The following STAG1 variants were observed in gnomAD, a reference collection of about 807,000 sequenced individuals.
STAG1 encodes the protein STAG1 cohesin complex component.
In STAG1, 26 loss-of-function variants were observed where a neutral mutation model predicts 170.9. That is an observed-to-expected ratio of 0.15 (90% CI 0.11 to 0.21). STAG1 has a LOEUF of 0.21. Among genes scored for constraint, STAG1 ranks in the 10% least tolerant of loss-of-function variants. The pLI is 1.00. For synonymous variants in STAG1, 514 were observed against 497.7 expected, an observed-to-expected ratio of 1.03 and a Z score of -0.44; for missense variants, 964 against 1,509.5, an observed-to-expected ratio of 0.64 and a Z score of 5.99.
chr3:136,414,410 G>A lies in STAG1; in HGVS notation c.2196+3475C>T, dbSNP rs140966200. Among the ~76,000 whole-genome samples, 151 of 152,230 alleles carry A rather than the reference G, an allele frequency of 9.9e-4. 1 individual carries two copies. The highest frequency in any genetic ancestry group is 3.5e-3 in the African/African-American group (146 of 41,530). ...ATACCATCTCTTTCATTGCTCATCC[G>A]TAAGAATTAACTCCTCATCTCTTCA... is the stretch of plus-strand genomic sequence containing the variant. On this transcript the variant is annotated intron_variant, in intron 21 of 33. Transcript: ENST00000383202.
At chr3:136,548,261 C>G (rs1936243843) in intron 5 of STAG1, among the ~76,000 whole-genome samples, 1 of 151,952 alleles carries the variant, frequency 6.6e-6, no homozygotes, top group Non-Finnish European at 1.5e-5. Flanking sequence ...TACAAGCAAG[C>G]ACCACCATGC....
At chr3:136,423,434 G>A (rs114213538) in intron 16 of STAG1, among the ~76,000 whole-genome samples, 106 of 152,166 alleles carry the variant, frequency 7.0e-4, no homozygotes, top group Admixed American at 3.1e-3. Flanking sequence ...ACCAACAGAA[G>A]CTAACACATT....
chr3:136,616,888 T>C (rs1046874155), intron 3 of STAG1, among the ~76,000 whole-genome samples: 2 of 152,192 alleles, frequency 1.3e-5, no homozygotes, highest in African/African-American at 4.8e-5. Context: ...ATATAGAAAG[T>C]ACTGATTTAA....
At chr3:136,633,200 T>C (rs944429431) in intron 1 of STAG1, among the ~76,000 whole-genome samples, 19 of 151,960 alleles carry the variant, frequency 1.3e-4, no homozygotes, top group African/African-American at 4.6e-4. Context: ...GGCCAGAAAG[T>C]ACCCCCACCC....
intron 6 of STAG1, 81 bp from the exon 7 acceptor site, chr3:136,521,498 A>G (rs916750769): frequency 1.6e-6 from 2 of 1,237,150 alleles, no homozygotes; most frequent in African/African-American, 3.0e-5. Context: ...CTACCTACAT[A>G]GGAACCCTTT....
chr3:136,691,641 T>C (rs1041565668), intron 1 of STAG1, among the ~76,000 whole-genome samples: 2 of 152,224 alleles, frequency 1.3e-5, no homozygotes, highest in Non-Finnish European at 2.9e-5. Flanking sequence ...CAGGATGTCC[T>C]GAATCCATTC....
At chr3:136,365,893 G>T (rs941659717) in intron 25 of STAG1, among the ~76,000 whole-genome samples, 5 of 151,364 alleles carry the variant, frequency 3.3e-5, no homozygotes, top group African/African-American at 7.3e-5. Context: ...GCTGAAACAG[G>T]TAGGCATATT....
Position 136,540,822 on chromosome 3 carries a change from C to CAAAAAAAAAAAAAAAAAAAA in STAG1, c.471+1277_471+1296dup. Among the ~76,000 whole-genome samples, 48 of 46,306 alleles carry CAAAAAAAAAAAAAAAAAAAA rather than the reference C, an allele frequency of 1.0e-3. 6 individuals are homozygous for CAAAAAAAAAAAAAAAAAAAA. Among genetic ancestry groups the CAAAAAAAAAAAAAAAAAAAA allele is most frequent in the South Asian group, 5.4e-3 (3 of 560 alleles). 30.4% of individuals were successfully genotyped at this position (46,306 alleles called of 152,430 possible). A position where few individuals can be genotyped will look rare whatever the true frequency, so the allele number is the denominator to read the frequency against. Reference sequence around the variant, plus strand: ...GGGCGACAGAGTGAAACTGTGTCTCCAAAAAAAAAAAAAAAAAAAAAAAAA... The same window carrying CAAAAAAAAAAAAAAAAAAAA: ...GGGCGACAGAGTGAAACTGTGTCTCCAAAAAAAAAAAAAAAAAAAAAAAAAAAAAAAAAAAAAAAAAAAAA... On this transcript the variant is annotated intron_variant, in intron 6 of 33. Transcript: ENST00000383202.
At chr3:136,518,745 T>A (rs1449456348) in intron 7 of STAG1, among the ~76,000 whole-genome samples, 1 of 152,150 alleles carries the variant, frequency 6.6e-6, no homozygotes, top group Non-Finnish European at 1.5e-5. Context: ...TGTTGTTAAT[T>A]TGTTTTTTTG....
At chr3:136,617,826 T>G (rs999528727) in intron 3 of STAG1, among the ~76,000 whole-genome samples, 1 of 152,090 alleles carries the variant, frequency 6.6e-6, no homozygotes, top group African/African-American at 2.4e-5. Flanking sequence ...AATAAAAATT[T>G]TGGTATTTAA....
At chr3:136,583,153 TAC>T (rs1331864470) in intron 4 of STAG1, among the ~76,000 whole-genome samples, 75 of 152,310 alleles carry the variant, frequency 4.9e-4, no homozygotes, top group Non-Finnish European at 3.2e-4. Flanking sequence ...ATTCATTTAA[TAC>T]ACAATTTAAA....
At chr3:136,454,519 C>G (rs535583940) in intron 13 of STAG1, among the ~76,000 whole-genome samples, 5 of 151,964 alleles carry the variant, frequency 3.3e-5, no homozygotes, top group Non-Finnish European at 7.4e-5. Flanking sequence ...GATAAGATTA[C>G]AGGCGTGTGC....
intron 4 of STAG1, among the ~76,000 whole-genome samples, chr3:136,582,188 T>A (rs1937604755): frequency 6.9e-6 from 1 of 144,958 alleles, no homozygotes; most frequent in Admixed American, 7.1e-5. Flanking sequence ...AATCCTGCTT[T>A]GTTTTTTGTG....
At chr3:136,444,133 G>C (rs2088709742) in intron 14 of STAG1, among the ~76,000 whole-genome samples, 1 of 151,970 alleles carries the variant, frequency 6.6e-6, no homozygotes, top group Admixed American at 6.6e-5. Flanking sequence ...GAGGGCAGTG[G>C]TGTGACCTCA....
intron 4 of STAG1, among the ~76,000 whole-genome samples, chr3:136,581,037 A>G (rs946121920): frequency 6.6e-6 from 1 of 152,018 alleles, no homozygotes; most frequent in Non-Finnish European, 1.5e-5. Flanking sequence ...ATTTTTTTGT[A>G]GAGATGAGGT....
intron 2 of STAG1, 48 bp from the exon 3 acceptor site, chr3:136,623,296 C>T (rs1241618918): frequency 7.1e-6 from 11 of 1,552,236 alleles, no homozygotes; most frequent in African/African-American, 1.4e-5. Context: ...AAGTATAATG[C>T]ATTTCTGTTT....
chr3:136,645,669 G>A (rs7646723), intron 1 of STAG1, among the ~76,000 whole-genome samples: 26,421 of 152,202 alleles, frequency 0.17, 3,837 homozygotes, highest in African/African-American at 0.41. Flanking sequence ...TCTGTTTACA[G>A]AAATAGCTCA....
chr3:136,724,755 G>T (rs1376791689), intron 1 of STAG1, among the ~76,000 whole-genome samples: 2 of 152,118 alleles, frequency 1.3e-5, no homozygotes, highest in Admixed American at 6.6e-5. Flanking sequence ...CAAATGCAAT[G>T]AAAAGACAAA....
chr3:136,706,576 A>G (rs576152515), intron 1 of STAG1, among the ~76,000 whole-genome samples: 35 of 152,354 alleles, frequency 2.3e-4, no homozygotes, highest in African/African-American at 8.4e-4. Flanking sequence ...ACTTAATTAA[A>G]TGGAAAGACA....
Sources: allele counts gnomAD v4.1 joint callset (sites outside exome capture counted in the v4.1 genomes callset), GRCh38; gene constraint gnomAD v4.1.1; transcripts MANE v1.5; gene names NCBI Gene and HGNC (gene_info 2026-07-23, HGNC 2026-07-21).